Variants in TCF12 observed in about 807,000 individuals in gnomAD.
TCF12 encodes transcription factor 12, also known as DNA-binding protein HTF4.
In TCF12, 45 loss-of-function variants were observed where a neutral mutation model predicts 86.0. That is an observed-to-expected ratio of 0.52 (90% CI 0.41 to 0.67). TCF12 has a LOEUF of 0.67. Among genes scored for constraint, TCF12 ranks in the 30% least tolerant of loss-of-function variants. TCF12 has a pLI of 0.00. For synonymous variants in TCF12, 330 were observed against 299.6 expected (o/e 1.10, Z -1.05); for missense variants, 881 against 859.9 (o/e 1.02, Z -0.31).
intron 5 of TCF12, among the ~76,000 whole-genome samples, chr15:57,112,125 T>C (rs1206105618): frequency 6.6e-6 from 1 of 152,214 alleles, no homozygotes; most frequent in African/African-American, 2.4e-5. Flanking sequence ...GGAATGAGAA[T>C]TGTACTCAAA....
intron 13 of TCF12, chr15:57,247,199 C>G: frequency 1.6e-6 from 1 of 609,562 alleles, no homozygotes; most frequent in Non-Finnish European, 3.0e-6. Flanking sequence ...ATAGCCCCCT[C>G]TACTACTGTA....
intron 18 of TCF12, among the ~76,000 whole-genome samples, chr15:57,264,535 G>GT (rs1190621200): frequency 3.3e-5 from 5 of 151,800 alleles, no homozygotes; most frequent in African/African-American, 7.3e-5. Flanking sequence ...AAATTTTGTG[G>GT]TTTTTTGTTT....
In TCF12 at chr15:56,918,877, G is replaced by A. The variant is rs2059617223; in HGVS notation, c.-52G>A. 1 of 152,666 alleles carries A rather than the reference G, an allele frequency of 6.6e-6. No individual in the cohort carries two copies. Among genetic ancestry groups the A allele is most frequent in the Admixed American group, 6.5e-5 (1 of 15,292 alleles). The allele number at this position is 152,666 out of a possible 1,614,324, so 9.5% of individuals were successfully genotyped here. ...TCCCGGCCAAAGTGAACTTTAATCG[G>A]GGTGGTTGGATGCGGAGACGGGGCG... is the stretch of plus-strand genomic sequence containing the variant. On this transcript the variant is annotated 5_prime_UTR_variant, in exon 1 of 21. Transcript: ENST00000333725.
chr15:57,040,219 A>G (rs1431536321), intron 3 of TCF12, among the ~76,000 whole-genome samples: 4 of 152,230 alleles, frequency 2.6e-5, no homozygotes, highest in Admixed American at 6.5e-5. Context: ...ATGCAACAAA[A>G]GAGCAAAGAT....
intron 3 of TCF12, among the ~76,000 whole-genome samples, chr15:56,977,026 A>G (rs1331085640): frequency 6.6e-6 from 1 of 152,188 alleles, no homozygotes; most frequent in Non-Finnish European, 1.5e-5. Context: ...ACCATATTGG[A>G]CAGTGCTGAT....
At chr15:57,090,248 T>A (rs1052985159) in intron 4 of TCF12, among the ~76,000 whole-genome samples, 1 of 151,844 alleles carries the variant, frequency 6.6e-6, no homozygotes, top group Non-Finnish European at 1.5e-5. Flanking sequence ...AACAAAAAAA[T>A]GGTAAGCTCT....
intron 5 of TCF12, among the ~76,000 whole-genome samples, chr15:57,163,196 TGTA>T (rs2054615487): frequency 6.6e-6 from 1 of 151,656 alleles, no homozygotes; most frequent in African/African-American, 2.4e-5. Flanking sequence ...AAATAAAAAA[TGTA>T]GTTCACTAAT....
At chr15:57,117,186 T>C (rs545262649) in intron 5 of TCF12, among the ~76,000 whole-genome samples, 5 of 152,102 alleles carry the variant, frequency 3.3e-5, no homozygotes, top group African/African-American at 1.2e-4. Context: ...ACTACAGGTG[T>C]GCACCACCAT....
intron 3 of TCF12, among the ~76,000 whole-genome samples, chr15:57,021,993 T>C (rs2065514194): frequency 6.6e-6 from 1 of 152,196 alleles, no homozygotes; most frequent in Non-Finnish European, 1.5e-5. Context: ...TTTAACTTAT[T>C]TTTTTCTTTT....
chr15:57,266,231 C>T (rs1413278040), intron 18 of TCF12, among the ~76,000 whole-genome samples: 2 of 152,042 alleles, frequency 1.3e-5, no homozygotes, highest in African/African-American at 4.8e-5. Flanking sequence ...GCAGATGCCA[C>T]CATGCCTGGC....
intron 3 of TCF12, among the ~76,000 whole-genome samples, chr15:57,033,015 C>G (rs2141366450): frequency 6.6e-6 from 1 of 152,068 alleles, no homozygotes; most frequent in East Asian, 1.9e-4. Context: ...AATTTTAGAA[C>G]TAAAAGAGCA....
intron 1 of TCF12, chr15:56,919,122 C>T (rs989886431): frequency 9.9e-5 from 15 of 151,444 alleles, no homozygotes; most frequent in African/African-American, 3.1e-4. Context: ...GCGGCGCGCT[C>T]GGCCTGTGCG....
chr15:56,950,745 G>GTTTTT (rs71113040), intron 3 of TCF12, among the ~76,000 whole-genome samples: 1 of 85,918 alleles, frequency 1.2e-5, no homozygotes, highest in Non-Finnish European at 2.1e-5. Flanking sequence ...TTATGACCAT[G>GTTTTT]TTTTTTTTTT....
At chr15:56,919,153 G>A (rs1401105615) in intron 1 of TCF12, 3 of 151,736 alleles carry the variant, frequency 2.0e-5, no homozygotes, top group African/African-American at 7.3e-5. Flanking sequence ...TGCCCGACTC[G>A]GGCCGGCGCC....
chr15:57,019,422 G>A (rs2065341214), intron 3 of TCF12, among the ~76,000 whole-genome samples: 2 of 152,110 alleles, frequency 1.3e-5, no homozygotes, highest in African/African-American at 4.8e-5. Context: ...TTAATGCAGG[G>A]CTGGCCAAAC....
chr15:56,929,607 A>G (rs1468832999), intron 3 of TCF12, among the ~76,000 whole-genome samples: 7 of 152,162 alleles, frequency 4.6e-5, no homozygotes, highest in South Asian at 2.1e-4. Flanking sequence ...TAAAGATCAC[A>G]TTTAAAGATC....
In TCF12 at chr15:57,288,636, C is replaced by T. The variant is rs955867525; in HGVS notation, c.*2491C>T. ...TTCCTAACTGCATTACCGACATTAT[C>T]TGGGAAACCCTTCAGGACAGAATCA... On this transcript the variant is annotated 3_prime_UTR_variant, in exon 21 of 21. Coordinates refer to ENST00000333725, the MANE Select transcript of TCF12 (RefSeq NM_207037.2). The T allele has an allele frequency of 6.6e-6, 1 of 152,320 alleles. No homozygotes were observed. Among genetic ancestry groups the T allele is most frequent in the Admixed American group, 6.5e-5 (1 of 15,274 alleles). The allele number at this position is 152,320 out of a possible 1,614,324, so 9.4% of individuals were successfully genotyped here.
chr15:57,194,502 T>C (rs1403734672), intron 7 of TCF12, among the ~76,000 whole-genome samples: 10 of 152,208 alleles, frequency 6.6e-5, no homozygotes, highest in Non-Finnish European at 1.5e-4. Flanking sequence ...CCGCTCTTTC[T>C]TAGCATTACA....
At chr15:56,938,659 T>A (rs1227017164) in intron 3 of TCF12, among the ~76,000 whole-genome samples, 1 of 142,708 alleles carries the variant, frequency 7.0e-6, no homozygotes, top group Non-Finnish European at 1.5e-5. Context: ...TTTTTTTTTT[T>A]AGTGGTAATT....
Sources: allele counts gnomAD v4.1 joint callset (sites outside exome capture counted in the v4.1 genomes callset), GRCh38; gene constraint gnomAD v4.1.1; transcripts MANE v1.5; gene names NCBI Gene and HGNC (gene_info 2026-07-23, HGNC 2026-07-21).